HTRA1: variants seen among roughly 807,000 people sequenced by gnomAD.
HTRA1 encodes HtrA serine peptidase 1, also known as serine protease HTRA1.
HTRA1 carries 26 observed loss-of-function variants against 49.7 expected under a neutral mutation model. The ratio of observed to expected loss-of-function variants is 0.52; its 90% confidence interval spans 0.38 to 0.73. The LOEUF (loss-of-function observed/expected upper bound fraction) is 0.73. Ranked by LOEUF, HTRA1 falls within the 30% of genes least tolerant of loss-of-function variation. The probability of loss-of-function intolerance (pLI) is 0.00; values close to 1 mark genes in which losing one functional copy is unlikely to be tolerated. For missense variants in HTRA1, 561 were observed against 667.2 expected, an observed-to-expected ratio of 0.84 and a Z score of 1.75; for synonymous variants, 291 against 286.9, an observed-to-expected ratio of 1.01 and a Z score of -0.14.
rs1298408106 is a variant in HTRA1, at chr10:122,462,010, G to A, written c.358G>A (p.Gly120Ser). The change falls in exon 1 of 9, where the codon GGC becomes AGC. Residue 120 changes from glycine (G) to serine (S), a missense_variant. Around this residue, in one of 3 missense-constraint regions of HTRA1, gnomAD observed 271 missense variants for 410.0 expected, o/e 0.66. Transcript: ENST00000368984. ...GTGCGCCAGCAGCGAGCCGGTGTGC[G>A]GCAGCGACGCCAACACCTACGCCAA... ...CVCASSEPVC[G>S]SDANTYANLC... 6.5e-7 allele frequency: 1 copy of A among 1,529,480 alleles called. No homozygotes were observed. The highest frequency in any genetic ancestry group is 2.5e-5 in the East Asian group (1 of 40,514). The allele number at this position is 1,529,480 out of a possible 1,614,324, so 94.7% of individuals were successfully genotyped here.
intron 1 of HTRA1, among the ~76,000 whole-genome samples, chr10:122,471,789 C>T (rs762130566): frequency 6.6e-6 from 1 of 152,210 alleles, no homozygotes; most frequent in Non-Finnish European, 1.5e-5. Flanking sequence ...CAGCCGCATC[C>T]TCCTGTTGGA....
chr10:122,496,225 G>GTTTTGTTTTTTTT (rs1287521208), intron 3 of HTRA1, among the ~76,000 whole-genome samples: 12 of 80,408 alleles, frequency 1.5e-4, no homozygotes, highest in Admixed American at 4.6e-4. Context: ...GAGATTGTGG[G>GTTTTGTTTTTTTT]TTCTTTTTTT....
chr10:122,465,971 T>A (rs7913922), intron 1 of HTRA1, among the ~76,000 whole-genome samples: 10,354 of 152,106 alleles, frequency 0.068, 911 homozygotes, highest in African/African-American at 0.21. Context: ...CCCTACTCCA[T>A]GCAGCAGCCC....
In HTRA1 at chr10:122,464,621, A is replaced by G. The variant is rs983168194; in HGVS notation, c.472+2497A>G. 3.9e-5 allele frequency among the ~76,000 whole-genome samples: 6 copies of G among 152,206 alleles called. No homozygotes were observed. The highest frequency in any genetic ancestry group is 3.9e-4 in the East Asian group (2 of 5,188). Reference sequence around the variant, plus strand: ...ATTCTGTTTTTCCTTAGTGGAAGGCACTGCTTTGCTGCGCCCCCTCTCTGG... The same window carrying G: ...ATTCTGTTTTTCCTTAGTGGAAGGCGCTGCTTTGCTGCGCCCCCTCTCTGG... On this transcript the variant is annotated intron_variant, in intron 1 of 8. Coordinates refer to ENST00000368984, the MANE Select transcript of HTRA1 (RefSeq NM_002775.5). The surrounding 1 kb of genome is among the most constrained non-coding windows in gnomAD (Gnocchi z 4.8).
At position 122,461,643 on chromosome 10, in the gene HTRA1, C is replaced by T; in HGVS notation, c.-10C>T. 2 of 1,305,412 alleles carry T rather than the reference C, an allele frequency of 1.5e-6. No individual in the cohort carries two copies. Among genetic ancestry groups the T allele is most frequent in the Non-Finnish European group, 2.0e-6 (2 of 1,010,408 alleles). 80.9% of individuals were successfully genotyped at this position (1,305,412 alleles called of 1,614,324 possible). The stretch of plus-strand genomic sequence containing the variant: ...TGTCCGCCGCCACCGCCGCCGCCGC[C>T]AGAGTCGCCATGCAGATCCCGCGCG... On this transcript the variant is annotated 5_prime_UTR_variant, in exon 1 of 9. Transcript: ENST00000368984.
rs886336007 is a variant in HTRA1, at chr10:122,490,804, T to G, written c.777+1178T>G. 6.6e-6 allele frequency among the ~76,000 whole-genome samples: 1 copy of G among 152,224 alleles called. No individual in the cohort carries two copies. Among genetic ancestry groups the G allele is most frequent in the Admixed American group, 6.5e-5 (1 of 15,282 alleles). On this transcript the variant is annotated intron_variant, in intron 3 of 8. Transcript: ENST00000368984. The surrounding 1 kb of genome is among the most constrained non-coding windows in gnomAD (Gnocchi z 4.2). ...TGCGTGTGCTGTTTGGGTGGTAGGA[T>G]TCCGGGTCTCCTTCTCCGTCTTTTT...
At chr10:122,508,459 T>G (rs895051075) in intron 5 of HTRA1, among the ~76,000 whole-genome samples, 197 bp from the exon 6 acceptor site, 2 of 152,254 alleles carry the variant, frequency 1.3e-5, no homozygotes, top group African/African-American at 2.4e-5. Context: ...GTGCGATTCT[T>G]CCACAGCTGC....
At chr10:122,489,995 G>T (rs968991892) in intron 3 of HTRA1, among the ~76,000 whole-genome samples, 1 of 152,062 alleles carries the variant, frequency 6.6e-6, no homozygotes, top group Non-Finnish European at 1.5e-5. Context: ...TACATCATGC[G>T]TTCACAATGA....
At chr10:122,501,782 G>A (rs1436017788) in intron 3 of HTRA1, among the ~76,000 whole-genome samples, 1 of 152,060 alleles carries the variant, frequency 6.6e-6, no homozygotes, top group Non-Finnish European at 1.5e-5. Flanking sequence ...ACACAGTCAC[G>A]TCTTGATGTG....
rs761434010 is a variant in HTRA1, at chr10:122,511,947, C to G, written c.1179-23C>G. 2.1e-5 allele frequency: 33 copies of G among 1,592,002 alleles called. 1 individual carries two copies. The South Asian group carries it at 3.5e-4, about 17-fold the overall frequency. On this transcript the variant is annotated intron_variant, in intron 7 of 8. Coordinates refer to ENST00000368984, the MANE Select transcript of HTRA1 (RefSeq NM_002775.5). Reference sequence around the variant, plus strand: ...GGCCTGGTGTTTCTTCACACTAACACGGGTGCTTTTTCTCTGGAGCAGCAA... The same window carrying G: ...GGCCTGGTGTTTCTTCACACTAACAGGGGTGCTTTTTCTCTGGAGCAGCAA...
At chr10:122,498,373 C>A (rs556561971) in intron 3 of HTRA1, among the ~76,000 whole-genome samples, 1 of 152,260 alleles carries the variant, frequency 6.6e-6, no homozygotes, top group East Asian at 1.9e-4. Context: ...CTGTATATGT[C>A]GGTGATCTCA....
rs1354250685 is a variant in HTRA1 at position 122,487,567 on chromosome 10, G to A, written c.473-1335G>A. ...CTTTGTTGAAAGTAGCTTTGGAAACGCCCACCACGTGGGGCCACTCACTGT... is the reference window on the plus strand; with the variant it reads ...CTTTGTTGAAAGTAGCTTTGGAAACACCCACCACGTGGGGCCACTCACTGT... On this transcript the variant is annotated intron_variant, in intron 1 of 8. Transcript: ENST00000368984. The surrounding 1 kb of genome is among the most constrained non-coding windows in gnomAD (Gnocchi z 4.8). 6.6e-6 allele frequency among the ~76,000 whole-genome samples: 1 copy of A among 152,204 alleles called. No homozygotes were observed. Among genetic ancestry groups the A allele is most frequent in the Non-Finnish European group, 1.5e-5 (1 of 68,046 alleles).
intron 6 of HTRA1, among the ~76,000 whole-genome samples, chr10:122,509,341 C>T (rs1354401719): frequency 6.6e-6 from 1 of 152,114 alleles, no homozygotes; most frequent in Non-Finnish European, 1.5e-5. Context: ...GTCAAGGGAG[C>T]GACTGGAGGG....
intron 1 of HTRA1, among the ~76,000 whole-genome samples, chr10:122,488,190 C>T (rs553560278): frequency 1.5e-4 from 23 of 152,228 alleles, no homozygotes; most frequent in East Asian, 3.9e-4. Context: ...TTTGCTCCTG[C>T]GGTGTTTCTC....
chr10:122,514,146 A>C (rs2097506874), intron 8 of HTRA1, 45 bp from the exon 9 acceptor site: 2 of 1,592,610 alleles, frequency 1.3e-6, no homozygotes, highest in East Asian at 4.5e-5. Flanking sequence ...ACCAGGAGGA[A>C]TGGAAACACG....
intron 1 of HTRA1, among the ~76,000 whole-genome samples, chr10:122,485,659 A>G (rs2097492783): frequency 6.6e-6 from 1 of 152,174 alleles, no homozygotes; most frequent in Admixed American, 6.5e-5. Flanking sequence ...GAACCACTTT[A>G]TGTGACTGTG....
Position 122,492,264 on chromosome 10 carries a change from C to G in HTRA1, c.777+2638C>G, listed in dbSNP as rs191270682. Among the ~76,000 whole-genome samples, 26 of 152,286 alleles carry G rather than the reference C, an allele frequency of 1.7e-4. No individual in the cohort carries two copies. In the East Asian group the frequency reaches 5.0e-3, roughly 29 times the overall value. On this transcript the variant is annotated intron_variant, in intron 3 of 8. Coordinates refer to ENST00000368984, the MANE Select transcript of HTRA1 (RefSeq NM_002775.5). ...CTAACTCGGTGGCTTATCATCTGGG[C>G]CCAGCTCCTCCCCTGGCATCCTGAT...
At chr10:122,508,089 C>T (rs911977194) in intron 5 of HTRA1, among the ~76,000 whole-genome samples, 10 of 152,128 alleles carry the variant, frequency 6.6e-5, no homozygotes, top group Non-Finnish European at 1.2e-4. Context: ...GCATCAGGTA[C>T]TGACATCTCA....
At position 122,504,682 on chromosome 10, in the gene HTRA1, G is replaced by A. The variant is rs539290538; in HGVS notation, c.778-2009G>A. Among the ~76,000 whole-genome samples the A allele has an allele frequency of 2.0e-5, 3 of 152,288 alleles. No individual in the cohort carries two copies. In the South Asian group the frequency reaches 6.2e-4, roughly 32 times the overall value. The stretch of plus-strand genomic sequence containing the variant: ...TGGACCTCCCCTGGTGTGGCCTAGT[G>A]CACATCCCAGCCCTGCCTCCTGCCC... On this transcript the variant is annotated intron_variant, in intron 3 of 8. Coordinates refer to ENST00000368984, the MANE Select transcript of HTRA1 (RefSeq NM_002775.5).
Sources: allele counts gnomAD v4.1 joint callset (sites outside exome capture counted in the v4.1 genomes callset), GRCh38; gene constraint gnomAD v4.1.1; regional missense constraint gnomAD v4.1.1; non-coding constraint Gnocchi (gnomAD v3.1); transcripts MANE v1.5; gene names NCBI Gene and HGNC (gene_info 2026-07-23, HGNC 2026-07-21).